Variants in PRKCE observed in about 807,000 individuals in gnomAD.
PRKCE encodes the protein protein kinase C epsilon type.
PRKCE carries 16 observed loss-of-function variants against 85.4 expected under a neutral mutation model. That is an observed-to-expected ratio of 0.19 (90% CI 0.13 to 0.28). The LOEUF (loss-of-function observed/expected upper bound fraction) is 0.28, where lower values mean the gene tolerates loss of function less well. Ranked by LOEUF, PRKCE falls within the 10% of genes least tolerant of loss-of-function variation. PRKCE has a pLI of 1.00. For missense variants in PRKCE, 573 were observed against 975.2 expected (o/e 0.59, Z 5.49); for synonymous variants, 388 against 371.5 (o/e 1.04, Z -0.51).
At chr2:45,865,091 A>T (rs949483878) in intron 2 of PRKCE, among the ~76,000 whole-genome samples, 3 of 152,200 alleles carry the variant, frequency 2.0e-5, no homozygotes. Context: ...TTACCTGGGG[A>T]ACTTGTTAAA....
intron 1 of PRKCE, among the ~76,000 whole-genome samples, chr2:45,710,734 C>T (rs564417081): frequency 2.0e-5 from 3 of 152,126 alleles, no homozygotes; most frequent in Admixed American, 2.0e-4. Context: ...CTTGTTTTTG[C>T]CAGGGCCAAT....
At chr2:45,874,553 G>A (rs1694330634) in intron 2 of PRKCE, among the ~76,000 whole-genome samples, 1 of 152,222 alleles carries the variant, frequency 6.6e-6, no homozygotes, top group African/African-American at 2.4e-5. Flanking sequence ...CCTCCTTCTT[G>A]TCTCACTCTC....
intron 2 of PRKCE, among the ~76,000 whole-genome samples, chr2:45,880,664 G>C (rs1694812243): frequency 1.3e-5 from 2 of 152,138 alleles, no homozygotes; most frequent in South Asian, 4.1e-4. Flanking sequence ...ACAGTGGCTA[G>C]TTCATAGTAG....
At chr2:45,823,814 A>G (rs1689725516) in intron 1 of PRKCE, among the ~76,000 whole-genome samples, 1 of 152,232 alleles carries the variant, frequency 6.6e-6, no homozygotes, top group Non-Finnish European at 1.5e-5. Context: ...GCAGCCACAG[A>G]GGCATCTGAG....
chr2:45,822,339 G>A (rs892248134), intron 1 of PRKCE, among the ~76,000 whole-genome samples: 1 of 152,368 alleles, frequency 6.6e-6, no homozygotes, highest in Non-Finnish European at 1.5e-5. Flanking sequence ...CGGGAGAAAA[G>A]TGCTGTGGGC....
chr2:46,158,034 C>A (rs900130845), intron 13 of PRKCE, among the ~76,000 whole-genome samples: 8 of 152,254 alleles, frequency 5.3e-5, no homozygotes, highest in African/African-American at 1.9e-4. Context: ...TGAGGCCCAG[C>A]CTTTAGCCCC....
intron 2 of PRKCE, among the ~76,000 whole-genome samples, chr2:45,870,050 T>G (rs1412891840): frequency 6.6e-6 from 1 of 152,154 alleles, no homozygotes; most frequent in Non-Finnish European, 1.5e-5. Context: ...GAGGATAAAC[T>G]GCTCTCCTTC....
At chr2:46,043,414 T>A (rs1460923889) in intron 10 of PRKCE, among the ~76,000 whole-genome samples, 2 of 151,210 alleles carry the variant, frequency 1.3e-5, no homozygotes, top group Non-Finnish European at 3.0e-5. Flanking sequence ...ACTATTTCAA[T>A]TTTTTTTAAG....
chr2:46,053,001 G>T (rs1204174791), intron 10 of PRKCE, among the ~76,000 whole-genome samples: 1 of 152,156 alleles, frequency 6.6e-6, no homozygotes, highest in Non-Finnish European at 1.5e-5. Context: ...CTAAACGTAA[G>T]AGCCGGTCAC....
rs532553526 is a variant in PRKCE at position 46,162,909 on chromosome 2, A to G, written c.2067+3157A>G. Reference sequence around the variant, plus strand: ...AAAAGCTCTTTTCTGAAAAATGTCAATGGCACCAGCCCGAGTCATCCGTGG... The same window carrying G: ...AAAAGCTCTTTTCTGAAAAATGTCAGTGGCACCAGCCCGAGTCATCCGTGG... On this transcript the variant is annotated intron_variant, in intron 14 of 14. Coordinates refer to ENST00000306156, the MANE Select transcript of PRKCE (RefSeq NM_005400.3). 7.9e-5 allele frequency among the ~76,000 whole-genome samples: 12 copies of G among 152,318 alleles called. No individual in the cohort carries two copies. In the South Asian group the frequency reaches 2.5e-3, roughly 32 times the overall value.
At chr2:45,720,456 T>C (rs562804524) in intron 1 of PRKCE, among the ~76,000 whole-genome samples, 1 of 152,192 alleles carries the variant, frequency 6.6e-6, no homozygotes, top group African/African-American at 2.4e-5. Context: ...AGCCTCACAA[T>C]ACTGAAATCA....
chr2:45,792,924 G>A (rs1687144852), intron 1 of PRKCE, among the ~76,000 whole-genome samples: 1 of 152,144 alleles, frequency 6.6e-6, no homozygotes, highest in African/African-American at 2.4e-5. Flanking sequence ...TTAGCCTCCA[G>A]AGTAGCTGGG....
At chr2:45,688,407 A>C (rs532655848) in intron 1 of PRKCE, among the ~76,000 whole-genome samples, 1 of 152,252 alleles carries the variant, frequency 6.6e-6, no homozygotes, top group South Asian at 2.1e-4. Flanking sequence ...TTCTTCTTTA[A>C]AATATTATTT....
At chr2:45,955,990 G>T (rs189215324) in intron 2 of PRKCE, among the ~76,000 whole-genome samples, 3 of 152,258 alleles carry the variant, frequency 2.0e-5, no homozygotes, top group Non-Finnish European at 4.4e-5. Flanking sequence ...CTCAGCCCCG[G>T]GTAACCGCTG....
chr2:46,114,202 C>T lies in PRKCE; in HGVS notation c.1592+27840C>T, dbSNP rs1672534122. Among the ~76,000 whole-genome samples, 7 of 152,140 alleles carry T rather than the reference C, an allele frequency of 4.6e-5. No homozygotes were observed. In the South Asian group the frequency reaches 1.0e-3, roughly 23 times the overall value. ...TGGGTATGTCGAGAGGCACAGAACT[C>T]GAGGGTTCTGTATAAACTTCGGGGG... is the stretch of plus-strand genomic sequence containing the variant. On this transcript the variant is annotated intron_variant, in intron 11 of 14. Coordinates refer to ENST00000306156, the MANE Select transcript of PRKCE (RefSeq NM_005400.3).
At chr2:45,687,635 C>A (rs1677401847) in intron 1 of PRKCE, among the ~76,000 whole-genome samples, 1 of 152,152 alleles carries the variant, frequency 6.6e-6, no homozygotes, top group South Asian at 2.1e-4. Flanking sequence ...AAATGTCTTT[C>A]ATTACTCTAT....
At chr2:46,144,994 TGCTGGAGA>T in intron 11 of PRKCE, 91 bp from the exon 12 acceptor site, 3 of 1,531,566 alleles carry the variant, frequency 2.0e-6, no homozygotes, top group Admixed American at 1.7e-5. Flanking sequence ...AGGACTTTTT[TGCTGGAGA>T]TTTCCCTAAG....
chr2:45,771,907 C>A (rs951958740), intron 1 of PRKCE, among the ~76,000 whole-genome samples: 2 of 152,150 alleles, frequency 1.3e-5, no homozygotes, highest in Non-Finnish European at 2.9e-5. Context: ...ATTCCAGCTT[C>A]CCGGTTGGCA....
chr2:46,096,525 T>G (rs1179832174), intron 11 of PRKCE, among the ~76,000 whole-genome samples: 1 of 152,146 alleles, frequency 6.6e-6, no homozygotes, highest in Non-Finnish European at 1.5e-5. Context: ...CCAATATGAC[T>G]GATGTCCTTA....
Sources: allele counts gnomAD v4.1 joint callset (sites outside exome capture counted in the v4.1 genomes callset), GRCh38; gene constraint gnomAD v4.1.1; transcripts MANE v1.5; gene names NCBI Gene and HGNC (gene_info 2026-07-23, HGNC 2026-07-21).